The following F8 variants were observed in gnomAD, a reference collection of about 807,000 sequenced individuals.
The protein encoded by F8 is antihemophilic factor.
A neutral mutation model predicts 140.6 loss-of-function variants in F8; 12 were observed. The observed-to-expected ratio is 0.09, with a 90% CI of 0.05 to 0.14. The LOEUF is 0.14. F8 is among the 10% of genes least tolerant of loss of function. F8 has a pLI of 1.00. For synonymous variants in F8, 585 were observed against 614.6 expected, an observed-to-expected ratio of 0.95 and a Z score of 0.71; for missense variants, 1,354 against 1,720.7, an observed-to-expected ratio of 0.79 and a Z score of 3.77.
intron 14 of F8, chrX:154,919,693 C>G: frequency 4.7e-6 from 2 of 427,509 alleles, no homozygotes; most frequent in Non-Finnish European, 7.9e-6. Flanking sequence ...AACAGCTGCT[C>G]CTGTGTTGCC....
chrX:154,972,437 A>C (rs2073461223), intron 6 of F8, among the ~76,000 whole-genome samples: 1 of 111,285 alleles, frequency 9.0e-6, no homozygotes, highest in African/African-American at 3.3e-5. Flanking sequence ...TGTCAGATGT[A>C]TAATCTGCAA....
chrX:154,894,539 C>A (rs2072968808), intron 22 of F8, among the ~76,000 whole-genome samples: 1 of 110,516 alleles, frequency 9.0e-6, no homozygotes, highest in South Asian at 3.9e-4. Flanking sequence ...GTCAACATGG[C>A]AAAACCCTGT....
intron 22 of F8, among the ~76,000 whole-genome samples, chrX:154,877,490 C>CTTTTCT (rs2072825845): frequency 9.0e-6 from 1 of 111,539 alleles, no homozygotes; most frequent in Non-Finnish European, 1.9e-5. Flanking sequence ...AAAAAGGATC[C>CTTTTCT]TTTTCTTTTT....
At chrX:155,016,322 C>T (rs1267125741) in intron 1 of F8, among the ~76,000 whole-genome samples, 2 of 111,504 alleles carry the variant, frequency 1.8e-5, no homozygotes, top group Non-Finnish European at 3.8e-5. Flanking sequence ...GCAACTGGAA[C>T]TCTCATGCAT....
At chrX:154,986,031 C>G (rs2073556871) in intron 5 of F8, among the ~76,000 whole-genome samples, 1 of 112,047 alleles carries the variant, frequency 8.9e-6, no homozygotes. Context: ...GACTAGAGGT[C>G]ATCCTGGGAG....
chrX:154,842,112 T>C (rs782501071), intron 25 of F8, among the ~76,000 whole-genome samples: 3 of 111,834 alleles, frequency 2.7e-5, no homozygotes, highest in African/African-American at 9.7e-5. Flanking sequence ...CCCTGGTAAA[T>C]ACAACAAGAA....
At chrX:154,955,582 G>T (rs1301756476) in intron 11 of F8, among the ~76,000 whole-genome samples, 1 of 110,121 alleles carries the variant, frequency 9.1e-6, no homozygotes, top group Non-Finnish European at 1.9e-5. Context: ...AAGAGAAAGA[G>T]TACAAAAGAG....
chrX:155,001,132 G>C (rs1557285572), intron 1 of F8, among the ~76,000 whole-genome samples: 1 of 110,864 alleles, frequency 9.0e-6, no homozygotes, highest in East Asian at 2.8e-4. Context: ...AGCCACACTG[G>C]AGAATCATTC....
At chrX:154,854,666 T>C (rs2072639099) in intron 25 of F8, among the ~76,000 whole-genome samples, 1 of 110,794 alleles carries the variant, frequency 9.0e-6, no homozygotes, top group African/African-American at 3.3e-5. Context: ...GAACCATGAC[T>C]AATACAGATT....
chrX:154,972,698 TCTG>T, intron 6 of F8, among the ~76,000 whole-genome samples: 1 of 93,958 alleles, frequency 1.1e-5, no homozygotes, highest in Non-Finnish European at 2.0e-5. Context: ...TTCTTTTCTT[TCTG>T]TCTTTCTTTT....
intron 5 of F8, among the ~76,000 whole-genome samples, chrX:154,985,222 G>A (rs1421405723): frequency 9.0e-6 from 1 of 111,265 alleles, no homozygotes; most frequent in African/African-American, 3.3e-5. Context: ...GATCACTTCA[G>A]GTCAGGCGTT....
chrX:154,945,006 C>T (rs2073295117), intron 13 of F8, among the ~76,000 whole-genome samples: 1 of 109,674 alleles, frequency 9.1e-6, no homozygotes, highest in Non-Finnish European at 1.9e-5. Flanking sequence ...ACATCACACT[C>T]TGGGGACTGT....
At chrX:154,981,925 C>G (rs1159336199) in intron 6 of F8, among the ~76,000 whole-genome samples, 1 of 111,967 alleles carries the variant, frequency 8.9e-6, no homozygotes, top group Non-Finnish European at 1.9e-5. Flanking sequence ...GTGGCTCACA[C>G]TTATAATCCC....
At chrX:154,841,943 C>CCAT (rs781952047) in intron 25 of F8, among the ~76,000 whole-genome samples, 2 of 111,418 alleles carry the variant, frequency 1.8e-5, no homozygotes, top group South Asian at 7.4e-4. Flanking sequence ...GAATAACATT[C>CCAT]CATCTTTTTC....
intron 14 of F8, among the ~76,000 whole-genome samples, chrX:154,912,923 TACTC>T (rs2073075804): frequency 9.1e-6 from 1 of 110,385 alleles, no homozygotes; most frequent in Non-Finnish European, 1.9e-5. Context: ...CATGAAAACT[TACTC>T]ACTGTCATGA....
intron 25 of F8, among the ~76,000 whole-genome samples, chrX:154,845,105 C>T (rs782313348): frequency 1.8e-5 from 2 of 111,714 alleles, no homozygotes; most frequent in South Asian, 3.7e-4. Context: ...TATTGATTTT[C>T]GTATGTTGAA....
chrX:154,842,178 A>G (rs781797601), intron 25 of F8, among the ~76,000 whole-genome samples: 3 of 111,540 alleles, frequency 2.7e-5, no homozygotes, highest in East Asian at 5.6e-4. Context: ...ATTGGCAGAA[A>G]TTTTTGTGGG....
intron 1 of F8, among the ~76,000 whole-genome samples, chrX:155,007,930 A>G (rs1474420177): frequency 9.0e-6 from 1 of 110,852 alleles, no homozygotes; most frequent in African/African-American, 3.3e-5. Context: ...CTTCCATCCT[A>G]GAAAGGACAG....
chrX:154,896,574 A>G (rs2072982614), intron 21 of F8, among the ~76,000 whole-genome samples: 1 of 111,287 alleles, frequency 9.0e-6, no homozygotes, highest in Non-Finnish European at 1.9e-5. Flanking sequence ...GTGGACTCAC[A>G]TAAGCTAATG....
Sources: gnomAD v4.1 joint callset for allele counts (sites outside exome capture counted in the v4.1 genomes callset) on GRCh38, gnomAD v4.1.1 for gene constraint, MANE v1.5 for transcripts, NCBI Gene and HGNC (gene_info 2026-07-23, HGNC 2026-07-21) for gene names.